Variants in RBM20 observed in about 807,000 individuals in gnomAD.
RBM20 encodes RNA-binding protein 20.
Under a neutral mutation model 110.1 loss-of-function variants are expected in RBM20, and 51 were observed. That is an observed-to-expected ratio of 0.46 (90% CI 0.37 to 0.59). The LOEUF (loss-of-function observed/expected upper bound fraction) is 0.59, where lower values mean the gene tolerates loss of function less well. Among genes scored for constraint, RBM20 ranks in the 20% least tolerant of loss-of-function variants. The pLI, the probability that RBM20 is intolerant of heterozygous loss-of-function variation, is 0.00. For synonymous variants in RBM20, 589 were observed against 618.2 expected, an observed-to-expected ratio of 0.95 and a Z score of 0.70; for missense variants, 1,512 against 1,574.9, an observed-to-expected ratio of 0.96 and a Z score of 0.68.
intron 1 of RBM20, among the ~76,000 whole-genome samples, chr10:110,742,501 G>C (rs1182497956): frequency 6.6e-6 from 1 of 152,212 alleles, no homozygotes; most frequent in African/African-American, 2.4e-5. Flanking sequence ...TGTGGGGCCT[G>C]TGACAGTCCC....
At chr10:110,784,295 TG>T in intron 3 of RBM20, 45 bp from the exon 4 acceptor site, 1 of 1,378,324 alleles carries the variant, frequency 7.3e-7, no homozygotes, top group South Asian at 1.2e-5. Context: ...GCTAATTCTT[TG>T]TTTAACTTAT....
At chr10:110,763,501 T>C (rs1844035517) in intron 1 of RBM20, among the ~76,000 whole-genome samples, 1 of 152,206 alleles carries the variant, frequency 6.6e-6, no homozygotes, top group Non-Finnish European at 1.5e-5. Flanking sequence ...ATTGGAATGA[T>C]GGTTGCTTTG....
At chr10:110,700,605 A>G (rs1473072277) in intron 1 of RBM20, among the ~76,000 whole-genome samples, 1 of 152,162 alleles carries the variant, frequency 6.6e-6, no homozygotes, top group African/African-American at 2.4e-5. Context: ...GCCACGTTCC[A>G]TGATGTTTTT....
At chr10:110,714,295 C>A (rs1016627479) in intron 1 of RBM20, among the ~76,000 whole-genome samples, 1 of 152,108 alleles carries the variant, frequency 6.6e-6, no homozygotes, top group Non-Finnish European at 1.5e-5. Context: ...TCTTGGAGGT[C>A]AATGAAAAGG....
intron 11 of RBM20, 33 bp from the exon 12 acceptor site, chr10:110,823,447 T>TC: frequency 1.9e-6 from 2 of 1,052,148 alleles, no homozygotes; most frequent in Non-Finnish European, 2.5e-6. Context: ...TTTTTTTTTT[T>TC]TTTTTTTTTT....
At chr10:110,666,877 C>T (rs1862185544) in intron 1 of RBM20, among the ~76,000 whole-genome samples, 2 of 152,202 alleles carry the variant, frequency 1.3e-5, no homozygotes. Context: ...AGAACAAAAA[C>T]TGCCACCAAA....
chr10:110,801,422 C>T (rs935846837), intron 7 of RBM20, among the ~76,000 whole-genome samples: 31 of 142,016 alleles, frequency 2.2e-4, no homozygotes, highest in Admixed American at 4.1e-4. Context: ...AGTGAAACTC[C>T]GTCTCAAAAA....
At chr10:110,701,770 C>G (rs1276856961) in intron 1 of RBM20, among the ~76,000 whole-genome samples, 1 of 152,170 alleles carries the variant, frequency 6.6e-6, no homozygotes, top group Non-Finnish European at 1.5e-5. Context: ...TCTCCCAAGC[C>G]TGATTGCCTT....
intron 1 of RBM20, among the ~76,000 whole-genome samples, chr10:110,725,817 G>GTA (rs1411592099): frequency 6.6e-6 from 1 of 152,246 alleles, no homozygotes; most frequent in Non-Finnish European, 1.5e-5. Flanking sequence ...GGTGGCGTGT[G>GTA]TATAGGAAGC....
At chr10:110,659,174 CGCCAAA>C (rs1214805631) in intron 1 of RBM20, among the ~76,000 whole-genome samples, 5 of 152,174 alleles carry the variant, frequency 3.3e-5, no homozygotes, top group African/African-American at 1.2e-4. Flanking sequence ...CCTGATGTGA[CGCCAAA>C]GCTTGGTTTT....
At chr10:110,820,837 G>A (rs1030447393) in intron 10 of RBM20, among the ~76,000 whole-genome samples, 2 of 152,174 alleles carry the variant, frequency 1.3e-5, no homozygotes, top group African/African-American at 4.8e-5. Flanking sequence ...CCTAGTAGAA[G>A]CTTTGGCTGT....
chr10:110,744,202 C>T (rs186136948), intron 1 of RBM20, among the ~76,000 whole-genome samples: 17 of 152,242 alleles, frequency 1.1e-4, no homozygotes, highest in East Asian at 9.7e-4. Flanking sequence ...GAAGATCACA[C>T]GAAATAGCGC....
At position 110,812,967 on chromosome 10, in the gene RBM20, C is replaced by A; in HGVS notation, c.2550+20C>A. Reference sequence around the variant, plus strand: ...AATGAGGTAATGATCAATTTCTTCCCCAGGTAAGGCGAGGCAGGCCCTGAA... The same window carrying A: ...AATGAGGTAATGATCAATTTCTTCCACAGGTAAGGCGAGGCAGGCCCTGAA... On this transcript the variant is annotated intron_variant, in intron 9 of 13. Coordinates refer to ENST00000369519, the MANE Select transcript of RBM20 (RefSeq NM_001134363.3). 2 of 1,426,772 alleles carry A rather than the reference C, an allele frequency of 1.4e-6. No individual in the cohort carries two copies. Among genetic ancestry groups the A allele is most frequent in the South Asian group, 3.1e-5 (2 of 64,180 alleles). The allele number at this position is 1,426,772 out of a possible 1,614,324, so 88.4% of individuals were successfully genotyped here.
chr10:110,731,371 A>G (rs1843619708), intron 1 of RBM20, among the ~76,000 whole-genome samples: 1 of 152,234 alleles, frequency 6.6e-6, no homozygotes, highest in Non-Finnish European at 1.5e-5. Flanking sequence ...GGTAAACAAT[A>G]AAAGAATGGA....
intron 5 of RBM20, among the ~76,000 whole-genome samples, chr10:110,791,885 G>A (rs897288773): frequency 1.5e-5 from 2 of 135,772 alleles, no homozygotes; most frequent in African/African-American, 5.1e-5. Flanking sequence ...CTGCTGGAAA[G>A]TTTTCAGTGC....
rs145203720 is a variant in RBM20 at position 110,799,024 on chromosome 10, G to T, written c.1669-763G>T. Among the ~76,000 whole-genome samples the T allele has an allele frequency of 1.7e-4, 26 of 152,326 alleles. No homozygotes were observed. In the East Asian group the frequency reaches 4.8e-3, roughly 28 times the overall value. On this transcript the variant is annotated intron_variant, in intron 6 of 13. Transcript: ENST00000369519. ...TTTATCAGAGCAGTTAAATAAAGAA[G>T]AAAGATGCTGTGGAAACATAATCGG...
Position 110,821,355 on chromosome 10 carries a change from C to T in RBM20, c.2736C>T (p.Asp912=), listed in dbSNP as rs368136394. 7.2e-5 allele frequency: 112 copies of T among 1,551,650 alleles called. No individual in the cohort carries two copies. The highest frequency in any genetic ancestry group is 1.6e-4 in the Admixed American group (8 of 51,002). Residue 912 remains aspartate, a synonymous_variant, in exon 11 of 14, where the codon GAC becomes GAT. Coordinates refer to ENST00000369519, the MANE Select transcript of RBM20 (RefSeq NM_001134363.3). ...ACATGGAGGAGCTGGTGACAGTGGA[C>T]GAGGTTGGGGAAGAAGAAGATTTTA... ...PTNMEELVTV[D]EVGEEEDFIV...
Position 110,796,863 on chromosome 10 carries a change from G to T in RBM20, c.1528-645G>T, listed in dbSNP as rs898290117. Among the ~76,000 whole-genome samples, 6 of 152,212 alleles carry T rather than the reference G, an allele frequency of 3.9e-5. No homozygotes were observed. In the East Asian group the frequency reaches 1.2e-3, roughly 29 times the overall value. ...TTACTCAAACATTTCCCTATTGTTG[G>T]ACATTCAGGCTGTTCCCCCAATTTT... is the stretch of plus-strand genomic sequence containing the variant. On this transcript the variant is annotated intron_variant, in intron 5 of 13. Coordinates refer to ENST00000369519, the MANE Select transcript of RBM20 (RefSeq NM_001134363.3).
At chr10:110,769,120 C>T (rs372359351) in intron 1 of RBM20, among the ~76,000 whole-genome samples, 59 of 152,300 alleles carry the variant, frequency 3.9e-4, no homozygotes, top group African/African-American at 1.4e-3. Context: ...ATTAATATTA[C>T]AAATTCCAGT....
Sources: gnomAD v4.1 joint callset for allele counts (sites outside exome capture counted in the v4.1 genomes callset) on GRCh38, gnomAD v4.1.1 for gene constraint, MANE v1.5 for transcripts, NCBI Gene and HGNC (gene_info 2026-07-23, HGNC 2026-07-21) for gene names.